The following TDRD6 variants were observed in gnomAD, a reference collection of about 807,000 sequenced individuals.
TDRD6 encodes the protein tudor domain-containing protein 6.
In TDRD6, 186 loss-of-function variants were observed where a neutral mutation model predicts 157.5. That is an observed-to-expected ratio of 1.18 (90% CI 1.05 to 1.33). The LOEUF is 1.33. TDRD6 is among the 40% of genes most tolerant of loss of function. TDRD6 has a pLI of 0.00. For missense variants in TDRD6, 3,066 were observed against 2,508.0 expected (o/e 1.22, Z -4.75); for synonymous variants, 1,075 against 945.2 (o/e 1.14, Z -2.52).
At chr6:46,685,019 T>G (rs1012334408), upstream of TDRD6, among the ~76,000 whole-genome samples, 8 of 151,826 alleles carry the variant, frequency 5.3e-5, no homozygotes, top group East Asian at 1.9e-4. Flanking sequence ...TGTGGGTTTT[T>G]TTTTTTTTTT....
chr6:46,692,870 A>T lies in TDRD6; in HGVS notation c.4742A>T (p.Asp1581Val). Residue 1581 changes from aspartate (D) to valine (V), a missense_variant, in exon 1 of 4, where the codon GAT becomes GTT. Asp to Val is a radical substitution (Grantham distance 152). Coordinates refer to ENST00000316081, the MANE Select transcript of TDRD6 (RefSeq NM_001010870.3). The stretch of plus-strand genomic sequence containing the variant: ...CCTTGTATAGTAAGATACAGAGAAG[A>T]TGGACATTATTATAGGGCACTTATC... The part of the protein sequence containing the change: ...GDPCIVRYRE[D>V]GHYYRALITN... The T allele has an allele frequency of 6.2e-7, 1 of 1,614,146 alleles. No individual in the cohort carries two copies. The highest frequency in any genetic ancestry group is 8.5e-7 in the Non-Finnish European group (1 of 1,180,004).
rs749788052 is a variant in TDRD6 at position 46,694,078 on chromosome 6, A to C, written c.5950A>C (p.Asn1984His). The C allele has an allele frequency of 1.1e-5, 17 of 1,613,288 alleles. No homozygotes were observed. The highest frequency in any genetic ancestry group is 1.4e-5 in the Non-Finnish European group (17 of 1,179,714). ...TGAAGAAGAATTTGTAGAGTATAAA[A>C]ACAGGGATGCCATTTCGGCATTGAT... ...ICEEEFVEYK[N>H]RDAISALMPL... The change falls in exon 1 of 4, where the codon AAC (asparagine) becomes CAC (histidine). Residue 1984 changes from asparagine to histidine, a missense_variant. Physicochemically the swap from Asn to His is moderately conservative, Grantham distance 68. Coordinates refer to ENST00000316081, the MANE Select transcript of TDRD6 (RefSeq NM_001010870.3).
Position 46,690,330 on chromosome 6 carries a change from TGAACTA to T in TDRD6, c.2204_2209del (p.Glu735_Leu736del). Reference sequence around the variant, plus strand: ...CAACAGTTGTAACAAATGGTTCAACTGAACTAGTTGTGCAGGAAAAAGTGAAAAGAG... The same window carrying T: ...CAACAGTTGTAACAAATGGTTCAACTGTTGTGCAGGAAAAAGTGAAAAGAG... On this transcript the variant is annotated inframe_deletion, in exon 1 of 4. Coordinates refer to ENST00000316081, the MANE Select transcript of TDRD6 (RefSeq NM_001010870.3). 1 of 1,613,390 alleles carries T rather than the reference TGAACTA, an allele frequency of 6.2e-7. No individual in the cohort carries two copies. The highest frequency in any genetic ancestry group is 8.5e-7 in the Non-Finnish European group (1 of 1,179,950).
rs1224430630 is a variant in TDRD6, at chr6:46,704,288, A to G, written c.*2401A>G. The G allele has an allele frequency of 5.8e-6, 2 of 344,304 alleles. No individual in the cohort carries two copies. Among genetic ancestry groups the G allele is most frequent in the African/African-American group, 2.1e-5 (1 of 48,048 alleles). The allele number at this position is 344,304 out of a possible 1,614,324, so 21.3% of individuals were successfully genotyped here. On this transcript the variant is annotated 3_prime_UTR_variant, in exon 4 of 4. Transcript: ENST00000316081. ...TTAACTTCGACACTGAAAAGGAATCATCTTTAAAATTAAAATTTAGGCTGA... is the reference window on the plus strand; with the variant it reads ...TTAACTTCGACACTGAAAAGGAATCGTCTTTAAAATTAAAATTTAGGCTGA...
intron 2 of TDRD6, 123 bp downstream of exon 2, chr6:46,696,068 AACT>A: frequency 9.6e-7 from 1 of 1,037,558 alleles, no homozygotes; most frequent in Non-Finnish European, 1.4e-6. Flanking sequence ...TCCCCCTGAT[AACT>A]TGATGTAATG....
intron 2 of TDRD6, among the ~76,000 whole-genome samples, chr6:46,696,911 G>C (rs1764518043): frequency 6.6e-6 from 1 of 151,716 alleles, no homozygotes; most frequent in Admixed American, 6.6e-5. Context: ...GCGCCCGGCT[G>C]TTTTTTAAAT....
rs1252117985 is a variant in TDRD6, at chr6:46,688,391, G to T, written c.263G>T (p.Ser88Ile). ...GLLWHRCRVV[S>I]RQAQESRVFL... ...TTGTGGCACCGCTGCCGCGTGGTCA[G>T]CCGGCAGGCACAGGAGAGCCGTGTC... Residue 88 changes from serine (S) to isoleucine (I), a missense_variant, in exon 1 of 4, where the codon AGC becomes ATC. By Grantham distance (142) the Ser-to-Ile change is moderately radical. Transcript: ENST00000316081. 5 of 1,536,578 alleles carry T rather than the reference G, an allele frequency of 3.3e-6. No homozygotes were observed. The highest frequency in any genetic ancestry group is 4.4e-6 in the Non-Finnish European group (5 of 1,145,234).
At chr6:46,695,643 G>T (rs761708796) in intron 1 of TDRD6, among the ~76,000 whole-genome samples, 178 bp from the exon 2 acceptor site, 2 of 152,028 alleles carry the variant, frequency 1.3e-5, no homozygotes, top group Admixed American at 1.3e-4. Context: ...AGATTATATG[G>T]GGGGGCGGGC....
At position 46,688,195 on chromosome 6, in the gene TDRD6, G is replaced by T. The variant is rs370082076; in HGVS notation, c.67G>T (p.Val23Leu). The T allele has an allele frequency of 1.7e-5, 27 of 1,548,910 alleles. No individual in the cohort carries two copies. The highest frequency in any genetic ancestry group is 1.4e-5 in the African/African-American group (1 of 72,746). The change falls in exon 1 of 4, where the codon GTG becomes TTG. Residue 23 changes from valine (V) to leucine (L), a missense_variant. Transcript: ENST00000316081. ...GGCCCTGCGGGTGTCCTTCGTGGAC[G>T]TGCATCCCGATGTGATCCCGGTGCA... is the stretch of plus-strand genomic sequence containing the variant. Reference protein sequence around the residue: ...SLALRVSFVDVHPDVIPVQLW... With the variant: ...SLALRVSFVDLHPDVIPVQLW...
In TDRD6 at chr6:46,692,597, A is replaced by G. The variant is rs1764366638; in HGVS notation, c.4469A>G (p.Gln1490Arg). 1 of 1,613,450 alleles carries G rather than the reference A, an allele frequency of 6.2e-7. No homozygotes were observed. ...AAATCTCAAGTAGAACTTTCTACCC[A>G]AGTAATTAAAAGTGCCAGTTCAAAG... is the stretch of plus-strand genomic sequence containing the variant. ...SEKSQVELST[Q>R]VIKSASSKSV... The change falls in exon 1 of 4, where the codon CAA becomes CGA. Residue 1490 changes from glutamine (Q) to arginine (R), a missense_variant. Transcript: ENST00000316081.
Position 46,688,647 on chromosome 6 carries a change from G to T in TDRD6, c.519G>T (p.Val173=). ...AGGTGCACGGGTGCGTCCTGGACGT[G>T]CTGCTGCTCCATCGCCTGGTCCTCC... ...GKEVHGCVLD[V]LLLHRLVLLE... The change falls in exon 1 of 4, where the codon GTG becomes GTT. Residue 173 remains valine, a synonymous_variant. Coordinates refer to ENST00000316081, the MANE Select transcript of TDRD6 (RefSeq NM_001010870.3). The T allele has an allele frequency of 6.3e-7, 1 of 1,599,418 alleles. No homozygotes were observed. Among genetic ancestry groups the T allele is most frequent in the Non-Finnish European group, 8.5e-7 (1 of 1,179,876 alleles).
chr6:46,689,759 G>A lies in TDRD6; in HGVS notation c.1631G>A (p.Cys544Tyr), dbSNP rs1320043457. 1 of 1,614,210 alleles carries A rather than the reference G, an allele frequency of 6.2e-7. No individual in the cohort carries two copies. The highest frequency in any genetic ancestry group is 8.5e-7 in the Non-Finnish European group (1 of 1,180,048). ...AAACCTGAACCTGATGACCTTTGCT[G>A]TGTCAAGTGGAAAGAAAATGGTTAT... ...VLKPEPDDLC[C>Y]VKWKENGYYR... The change falls in exon 1 of 4, where the codon TGT (cysteine) becomes TAT (tyrosine). Residue 544 changes from cysteine to tyrosine, a missense_variant. Coordinates refer to ENST00000316081, the MANE Select transcript of TDRD6 (RefSeq NM_001010870.3).
chr6:46,681,489 C>T, the TDRD6 span: 1 of 467,760 alleles, frequency 2.1e-6, no homozygotes, highest in Non-Finnish European at 4.4e-6. Flanking sequence ...TTGAGGAATA[C>T]ATTACTTTCT....
At position 46,691,826 on chromosome 6, in the gene TDRD6, C is replaced by CT; in HGVS notation, c.3698_3699insT (p.Asn1234LysfsTer13). Reference sequence around the variant, plus strand: ...AAACTTTTACAAAGTTTAACAAAAACAAACTTAGTCACTCAATATCAAGAC... The same window carrying CT: ...AAACTTTTACAAAGTTTAACAAAAACTAAACTTAGTCACTCAATATCAAGAC... On this transcript the variant is annotated frameshift_variant, in exon 1 of 4. Coordinates refer to ENST00000316081, the MANE Select transcript of TDRD6 (RefSeq NM_001010870.3). LOFTEE classifies it high-confidence loss of function. 9 of 1,603,698 alleles carry CT rather than the reference C, an allele frequency of 5.6e-6. No homozygotes were observed. The highest frequency in any genetic ancestry group is 6.8e-6 in the Non-Finnish European group (8 of 1,177,502).
At position 46,687,965 on chromosome 6, in the gene TDRD6, G is replaced by A; in HGVS notation, c.-164G>A. 8.6e-7 allele frequency: 1 copy of A among 1,156,668 alleles called. No homozygotes were observed. Among genetic ancestry groups the A allele is most frequent in the Non-Finnish European group, 1.1e-6 (1 of 874,260 alleles). 71.7% of individuals were successfully genotyped at this position (1,156,668 alleles called of 1,614,324 possible). On this transcript the variant is annotated 5_prime_UTR_variant, in exon 1 of 4. Transcript: ENST00000316081. ...GTGGCGGGAGTCCCGGAGGACCCTC[G>A]ACGGGGGAGTTGCCGAGAAAAGGCC...
Position 46,690,681 on chromosome 6 carries a change from T to C in TDRD6, c.2553T>C (p.Phe851=). ...CTGTGGAGCATGTCAATGTAACATT[T>C]GTAGATTATGGAGACAGAGAAATGG... ...IQSVEHVNVT[F]VDYGDREMVS... Residue 851 remains phenylalanine (F), a synonymous_variant, in exon 1 of 4, where the codon TTT becomes TTC. Coordinates refer to ENST00000316081, the MANE Select transcript of TDRD6 (RefSeq NM_001010870.3). 6.2e-7 allele frequency: 1 copy of C among 1,614,180 alleles called. No homozygotes were observed. Among genetic ancestry groups the C allele is most frequent in the Non-Finnish European group, 8.5e-7 (1 of 1,179,996 alleles).
At position 46,703,351 on chromosome 6, in the gene TDRD6, C is replaced by T. The variant is rs1764669775; in HGVS notation, c.*1464C>T. 6.6e-6 allele frequency: 1 copy of T among 151,884 alleles called. No individual in the cohort carries two copies. Among genetic ancestry groups the T allele is most frequent in the Admixed American group, 6.6e-5 (1 of 15,226 alleles). 9.4% of individuals were successfully genotyped at this position (151,884 alleles called of 1,614,324 possible). ...AGGTAGATGAGTATATTACTTATTC[C>T]TGGAATAATGAATAGACAAGTTTGG... On this transcript the variant is annotated 3_prime_UTR_variant, in exon 4 of 4. Transcript: ENST00000316081.
intron 2 of TDRD6, 53 bp downstream of exon 2, chr6:46,695,998 A>G (rs917722100): frequency 4.4e-5 from 69 of 1,572,790 alleles, no homozygotes; most frequent in Non-Finnish European, 5.7e-5. Context: ...ACTATTAAGG[A>G]AAGTTTACCA....
chr6:46,697,177 C>A (rs1230322474), intron 2 of TDRD6, among the ~76,000 whole-genome samples: 4 of 152,126 alleles, frequency 2.6e-5, no homozygotes, highest in Non-Finnish European at 5.9e-5. Context: ...CATATACCAT[C>A]TGCTTGCTCT....
Sources: gnomAD v4.1 joint callset for allele counts (sites outside exome capture counted in the v4.1 genomes callset) on GRCh38, gnomAD v4.1.1 for gene constraint, MANE v1.5 for transcripts, NCBI Gene and HGNC (gene_info 2026-07-23, HGNC 2026-07-21) for gene names.